Variants in CSNK2A2IP observed in about 807,000 individuals in gnomAD.
CSNK2A2IP encodes casein kinase II subunit alpha'-interacting protein.
At chr3:88,370,797 A>G in the CSNK2A2IP span, among the ~76,000 whole-genome samples, 1 of 151,780 alleles carries the variant, frequency 6.6e-6, no homozygotes, top group East Asian at 1.9e-4. Context: ...GATGGAACCA[A>G]TTAGTCCCAA....
At chr3:88,459,523 A>G in the CSNK2A2IP span, among the ~76,000 whole-genome samples, 1 of 152,024 alleles carries the variant, frequency 6.6e-6, no homozygotes, top group Non-Finnish European at 1.5e-5. Flanking sequence ...TTCAAAGGTT[A>G]TGTCTCATTT....
the CSNK2A2IP span, among the ~76,000 whole-genome samples, chr3:88,383,758 G>A: frequency 1.4e-5 from 2 of 142,386 alleles, no homozygotes; most frequent in South Asian, 2.3e-4. Flanking sequence ...CCGCCTCCCC[G>A]GTTCATGCCA....
At chr3:88,399,690 G>A in the CSNK2A2IP span, 2 of 152,156 alleles carry the variant, frequency 1.3e-5, no homozygotes, top group Non-Finnish European at 2.9e-5. Flanking sequence ...AAGACAGCGA[G>A]CCCCAGGGTG....
the CSNK2A2IP span, among the ~76,000 whole-genome samples, chr3:88,344,969 T>C: frequency 6.6e-6 from 1 of 152,036 alleles, no homozygotes; most frequent in Non-Finnish European, 1.5e-5. Context: ...TTTAATCTTT[T>C]CAGCAGTGCT....
At chr3:88,440,206 T>TGTA in the CSNK2A2IP span, among the ~76,000 whole-genome samples, 9 of 152,324 alleles carry the variant, frequency 5.9e-5, no homozygotes, top group South Asian at 1.9e-3. Flanking sequence ...GTATTTTGCA[T>TGTA]TTTTTAGTTT....
At chr3:88,390,853 C>G in the CSNK2A2IP span, among the ~76,000 whole-genome samples, 453 of 152,214 alleles carry the variant, frequency 3.0e-3, 2 homozygotes, top group African/African-American at 0.01. Context: ...CTGAAGAAAT[C>G]TGATGACTAT....
the CSNK2A2IP span, among the ~76,000 whole-genome samples, chr3:88,377,774 G>A: frequency 4.6e-5 from 7 of 151,826 alleles, no homozygotes; most frequent in African/African-American, 1.7e-4. Context: ...ACACAGTTGG[G>A]CAGTGTTACA....
the CSNK2A2IP span, among the ~76,000 whole-genome samples, chr3:88,420,638 T>C: frequency 6.6e-6 from 1 of 152,290 alleles, no homozygotes; most frequent in African/African-American, 2.4e-5. Context: ...CAAGATAATT[T>C]AGAAGGTGAG....
chr3:88,369,136 TA>T, the CSNK2A2IP span, among the ~76,000 whole-genome samples: 4 of 151,980 alleles, frequency 2.6e-5, no homozygotes, highest in African/African-American at 9.7e-5. Flanking sequence ...AATTACTGGT[TA>T]GGCAACCTAT....
At chr3:88,418,024 T>C in the CSNK2A2IP span, among the ~76,000 whole-genome samples, 1 of 152,206 alleles carries the variant, frequency 6.6e-6, no homozygotes, top group Non-Finnish European at 1.5e-5. Flanking sequence ...ATACTGTATA[T>C]GATTTGAGTA....
chr3:88,345,324 G>C, the CSNK2A2IP span, among the ~76,000 whole-genome samples: 1 of 151,638 alleles, frequency 6.6e-6, no homozygotes, highest in African/African-American at 2.4e-5. Context: ...AAAATCACAG[G>C]GTTTCCTTTA....
chr3:88,369,734 G>C, the CSNK2A2IP span, among the ~76,000 whole-genome samples: 1 of 151,906 alleles, frequency 6.6e-6, no homozygotes, highest in Non-Finnish European at 1.5e-5. Context: ...ACTGGAGTTT[G>C]TCCTGTCTTT....
At chr3:88,349,935 T>A in the CSNK2A2IP span, among the ~76,000 whole-genome samples, 1 of 152,090 alleles carries the variant, frequency 6.6e-6, no homozygotes, top group African/African-American at 2.4e-5. Context: ...ATGCATCACT[T>A]CTTACAATAC....
chr3:88,387,496 C>A, the CSNK2A2IP span, among the ~76,000 whole-genome samples: 3 of 152,076 alleles, frequency 2.0e-5, no homozygotes, highest in African/African-American at 7.2e-5. Flanking sequence ...AATCTATCTT[C>A]CTTACAGTTA....
At chr3:88,381,723 G>A in the CSNK2A2IP span, among the ~76,000 whole-genome samples, 6 of 152,174 alleles carry the variant, frequency 3.9e-5, no homozygotes, top group Non-Finnish European at 8.8e-5. Context: ...ACAATTTAAC[G>A]CTGAGAGATA....
chr3:88,456,302 A>C, the CSNK2A2IP span, among the ~76,000 whole-genome samples: 1 of 152,038 alleles, frequency 6.6e-6, no homozygotes, highest in African/African-American at 2.4e-5. Context: ...CATTTTAACA[A>C]TATTCCTTCT....
the CSNK2A2IP span, among the ~76,000 whole-genome samples, chr3:88,395,440 T>C: frequency 6.6e-6 from 1 of 152,210 alleles, no homozygotes; most frequent in Non-Finnish European, 1.5e-5. Flanking sequence ...TTTCATTTTG[T>C]TTAATGACCT....
chr3:88,378,641 A>G, the CSNK2A2IP span, among the ~76,000 whole-genome samples: 3 of 152,022 alleles, frequency 2.0e-5, no homozygotes, highest in African/African-American at 4.8e-5. Flanking sequence ...GCTCTAAACT[A>G]TCAATGAATA....
At chr3:88,379,271 C>G in the CSNK2A2IP span, among the ~76,000 whole-genome samples, 1 of 151,940 alleles carries the variant, frequency 6.6e-6, no homozygotes, top group Non-Finnish European at 1.5e-5. Flanking sequence ...ACTGCCTGTT[C>G]CTCCCTCTGC....
Sources: allele counts gnomAD v4.1 joint callset (sites outside exome capture counted in the v4.1 genomes callset), GRCh38; gene constraint gnomAD v4.1.1; transcripts MANE v1.5; gene names NCBI Gene and HGNC (gene_info 2026-07-23, HGNC 2026-07-21).